Variants in GCC2 observed in about 807,000 individuals in gnomAD.
GCC2 encodes GRIP and coiled-coil domain containing 2.
A neutral mutation model predicts 210.6 loss-of-function variants in GCC2; 120 were observed. The observed-to-expected ratio is 0.57, with a 90% CI of 0.49 to 0.66. GCC2 has a LOEUF of 0.66. Among genes scored for constraint, GCC2 ranks in the 30% least tolerant of loss-of-function variants. The pLI is 0.00. For synonymous variants in GCC2, 703 were observed against 652.7 expected, an observed-to-expected ratio of 1.08 and a Z score of -1.17; for missense variants, 1,868 against 1,871.9, an observed-to-expected ratio of 1.00 and a Z score of 0.04.
At chr2:108,480,075 C>T (rs139162395) in intron 9 of GCC2, among the ~76,000 whole-genome samples, 5 of 151,840 alleles carry the variant, frequency 3.3e-5, no homozygotes, top group African/African-American at 1.2e-4. Flanking sequence ...GGTCCACAGG[C>T]AGGCACTGCC....
At chr2:108,478,656 T>C (rs774389165) in intron 9 of GCC2, among the ~76,000 whole-genome samples, 1 of 152,228 alleles carries the variant, frequency 6.6e-6, no homozygotes, top group Non-Finnish European at 1.5e-5. Flanking sequence ...GAATAATACT[T>C]GATTAAAATC....
chr2:108,449,286 T>C lies in GCC2; in HGVS notation c.6+6T>C. The C allele has an allele frequency of 6.5e-7, 1 of 1,549,634 alleles. No individual in the cohort carries two copies. Among genetic ancestry groups the C allele is most frequent in the Admixed American group, 2.0e-5 (1 of 50,896 alleles). On this transcript the variant is annotated splice_donor_region_variant and intron_variant, in intron 1 of 22. Transcript: ENST00000309863. Reference sequence around the variant, plus strand: ...GCGGGCTGGCGGAGATGGAGGTAACTCAGGTCGGGCCCACTGCCTCCCATC... The same window carrying C: ...GCGGGCTGGCGGAGATGGAGGTAACCCAGGTCGGGCCCACTGCCTCCCATC...
Position 108,469,656 on chromosome 2 carries a change from T to A in GCC2, c.327T>A (p.Ser109=), listed in dbSNP as rs1375721086. ...NIKMKQEVED[S]VTKMGDAHKE... ...GTGCTTATTTTTTGTAATAGGATTC[T>A]GTAACAAAGATGGGAGATGCACATA... is the stretch of plus-strand genomic sequence containing the variant. Residue 109 remains serine (S), a synonymous_variant, in exon 6 of 23, where the codon TCT becomes TCA. Coordinates refer to ENST00000309863, the MANE Select transcript of GCC2 (RefSeq NM_181453.4). 6.3e-7 allele frequency: 1 copy of A among 1,577,842 alleles called. No individual in the cohort carries two copies. Among genetic ancestry groups the A allele is most frequent in the Non-Finnish European group, 8.6e-7 (1 of 1,165,844 alleles).
intron 9 of GCC2, among the ~76,000 whole-genome samples, chr2:108,477,678 T>C (rs1681614221): frequency 6.6e-6 from 1 of 152,244 alleles, no homozygotes; most frequent in African/African-American, 2.4e-5. Flanking sequence ...TGAAAAATAT[T>C]TTTTAAAAAC....
In GCC2 at chr2:108,492,806, T is replaced by C; in HGVS notation, c.4447+16T>C. 6.6e-7 allele frequency: 1 copy of C among 1,520,500 alleles called. No homozygotes were observed. Among genetic ancestry groups the C allele is most frequent in the Non-Finnish European group, 9.1e-7 (1 of 1,094,494 alleles). 94.2% of individuals were successfully genotyped at this position (1,520,500 alleles called of 1,614,324 possible). On this transcript the variant is annotated intron_variant, in intron 19 of 22. Coordinates refer to ENST00000309863, the MANE Select transcript of GCC2 (RefSeq NM_181453.4). ...ACCACAAGAAGTATGTATGTACACA[T>C]GGAAATATTAGTTGTTCATGTTTTC... is the stretch of plus-strand genomic sequence containing the variant.
Position 108,481,725 on chromosome 2 carries a change from C to T in GCC2, c.3089C>T (p.Ser1030Leu), listed in dbSNP as rs1218593126. ...CTTTTATTAGAATATGAAAAGCAGT[C>T]AGAGCAACTGGATGTGGAAAAAGAA... ...KNLLLEYEKQ[S>L]EQLDVEKERA... Residue 1030 changes from serine (S) to leucine (L), a missense_variant, in exon 10 of 23, where the codon TCA (serine) becomes TTA (leucine). Transcript: ENST00000309863. 2 of 1,598,768 alleles carry T rather than the reference C, an allele frequency of 1.3e-6. No individual in the cohort carries two copies. The highest frequency in any genetic ancestry group is 1.7e-6 in the Non-Finnish European group (2 of 1,171,212).
intron 4 of GCC2, among the ~76,000 whole-genome samples, chr2:108,466,950 G>C (rs1033211507): frequency 2.6e-5 from 4 of 152,038 alleles, no homozygotes; most frequent in Non-Finnish European, 5.9e-5. Context: ...ATATGTTTGC[G>C]TTTGTCTGAA....
chr2:108,492,109 A>G (rs1285650305), intron 18 of GCC2, among the ~76,000 whole-genome samples: 2 of 150,870 alleles, frequency 1.3e-5, no homozygotes, highest in Non-Finnish European at 3.0e-5. Flanking sequence ...ACTTTCCTCT[A>G]AAGTTTTCTG....
Position 108,497,106 on chromosome 2 carries a change from T to C in GCC2, c.4779T>C (p.Ile1593=), listed in dbSNP as rs761542390. 15 of 1,611,902 alleles carry C rather than the reference T, an allele frequency of 9.3e-6. No homozygotes were observed. The highest frequency in any genetic ancestry group is 1.3e-5 in the Non-Finnish European group (15 of 1,179,830). Residue 1593 remains isoleucine, a synonymous_variant, in exon 21 of 23, where the codon ATT becomes ATC. Coordinates refer to ENST00000309863, the MANE Select transcript of GCC2 (RefSeq NM_181453.4). ...EATNAILMEQ[I]KLLKSEIRRL... ...CCAATGCAATTCTTATGGAGCAAAT[T>C]AAGGTGAGATCAGAAAACCTGGCCG...
chr2:108,450,860 CAATAG>C (rs1307211664), intron 2 of GCC2, among the ~76,000 whole-genome samples, 163 bp from the exon 3 acceptor site: 1 of 151,960 alleles, frequency 6.6e-6, no homozygotes, highest in African/African-American at 2.4e-5. Flanking sequence ...CCGGCCTGGG[CAATAG>C]AGCGAGACTC....
chr2:108,463,655 A>G (rs147418717), intron 4 of GCC2, among the ~76,000 whole-genome samples: 3 of 152,170 alleles, frequency 2.0e-5, no homozygotes, highest in Non-Finnish European at 4.4e-5. Context: ...CAGTGTTAGC[A>G]GGCCAATTCT....
In GCC2 at chr2:108,480,570, T is replaced by TA. The variant is rs201947044; in HGVS notation, c.3061-1119dup. ...TACACCATGGAATACTACACAGCCATAAAAAAAATATGAGATTATGTCCTT... is the reference window on the plus strand; with the variant it reads ...TACACCATGGAATACTACACAGCCATAAAAAAAAATATGAGATTATGTCCTT... On this transcript the variant is annotated intron_variant, in intron 9 of 22. Coordinates refer to ENST00000309863, the MANE Select transcript of GCC2 (RefSeq NM_181453.4). Among the ~76,000 whole-genome samples, 7 of 151,940 alleles carry TA rather than the reference T, an allele frequency of 4.6e-5. No homozygotes were observed. The South Asian group carries it at 6.3e-4, about 14-fold the overall frequency.
intron 6 of GCC2, 89 bp from the exon 7 acceptor site, chr2:108,472,738 T>A: frequency 1.3e-6 from 1 of 765,890 alleles, no homozygotes; most frequent in East Asian, 2.5e-5. Flanking sequence ...TTTCTTATGC[T>A]TAACATGATG....
chr2:108,458,517 C>T (rs960288604), intron 4 of GCC2, among the ~76,000 whole-genome samples: 1 of 151,210 alleles, frequency 6.6e-6, no homozygotes, highest in Non-Finnish European at 1.5e-5. Context: ...GGTCTTTATA[C>T]ATTTGGTAGA....
chr2:108,452,606 A>G lies in GCC2; in HGVS notation c.216+140A>G. The G allele has an allele frequency of 4.7e-6, 3 of 635,978 alleles. 1 individual carries two copies. Among genetic ancestry groups the G allele is most frequent in the Middle Eastern group, 2.5e-4 (1 of 3,926 alleles). The allele number at this position is 635,978 out of a possible 1,614,324, so 39.4% of individuals were successfully genotyped here. On this transcript the variant is annotated intron_variant, in intron 4 of 22. Transcript: ENST00000309863. ...GTTTTTACCTATCTGATTCACTGTA[A>G]AAAGAGGGGGTTAATGACCTCTGGG...
At chr2:108,478,232 A>G (rs953122908) in intron 9 of GCC2, among the ~76,000 whole-genome samples, 19 of 150,818 alleles carry the variant, frequency 1.3e-4, no homozygotes, top group African/African-American at 4.7e-4. Flanking sequence ...TAAACATACT[A>G]ATTCTTTGTC....
chr2:108,451,019 A>G lies in GCC2; in HGVS notation c.64-9A>G, dbSNP rs1679915898. On this transcript the variant is annotated splice_polypyrimidine_tract_variant and intron_variant, in intron 2 of 22. Coordinates refer to ENST00000309863, the MANE Select transcript of GCC2 (RefSeq NM_181453.4). ...TATAACAAGTTGGTAACATGACCAC[A>G]TCTTTCAGCTGGAAACATTGCCCAA... The G allele has an allele frequency of 6.3e-7, 1 of 1,595,790 alleles. No homozygotes were observed. The highest frequency in any genetic ancestry group is 1.3e-5 in the African/African-American group (1 of 74,528).
At chr2:108,449,374 C>T in intron 1 of GCC2, 94 bp downstream of exon 1, 1 of 1,495,028 alleles carries the variant, frequency 6.7e-7, no homozygotes, top group Non-Finnish European at 9.0e-7. Context: ...CGGTAGTCTC[C>T]CTCTTGGTGT....
intron 22 of GCC2, among the ~76,000 whole-genome samples, chr2:108,503,062 AAAG>A (rs1185459067): frequency 1.3e-5 from 2 of 152,250 alleles, no homozygotes; most frequent in East Asian, 3.8e-4. Flanking sequence ...AAAGGAGAGA[AAAG>A]AATACAGCAC....
Sources: gnomAD v4.1 joint callset for allele counts (sites outside exome capture counted in the v4.1 genomes callset) on GRCh38, gnomAD v4.1.1 for gene constraint, MANE v1.5 for transcripts, NCBI Gene and HGNC (gene_info 2026-07-23, HGNC 2026-07-21) for gene names.